HTR4: variants seen among roughly 807,000 people sequenced by gnomAD.
HTR4 encodes 5-hydroxytryptamine receptor 4, also known as 5-hydroxytryptamine (serotonin) receptor 4, G protein-coupled.
Under a neutral mutation model 36.8 loss-of-function variants are expected in HTR4, and 16 were observed. The ratio of observed to expected loss-of-function variants is 0.43; its 90% CI spans 0.29 to 0.66. The LOEUF (loss-of-function observed/expected upper bound fraction) is 0.66, where lower values mean the gene tolerates loss of function less well. Ranked by LOEUF, HTR4 falls within the 30% of genes least tolerant of loss-of-function variation. HTR4 has a pLI of 0.13. For synonymous variants in HTR4, 189 were observed against 185.1 expected (o/e 1.02, Z -0.17); for missense variants, 438 against 490.9 (o/e 0.89, Z 1.02).
At position 148,481,610 on chromosome 5, in the gene HTR4, T is replaced by G. The variant is rs1581357787; in HGVS notation, c.*1593A>C. On this transcript the variant is annotated 3_prime_UTR_variant, in exon 7 of 7. Transcript: ENST00000377888. ...TCTTCCTTATTCCAAAGTTTCTTCC[T>G]GTCGGTTTCAGTTCCAGAACTAAAG... The G allele has an allele frequency of 1.3e-6, 2 of 1,510,060 alleles. No individual in the cohort carries two copies. The highest frequency in any genetic ancestry group is 1.8e-6 in the Non-Finnish European group (2 of 1,140,386). The allele number at this position is 1,510,060 out of a possible 1,614,324, so 93.5% of individuals were successfully genotyped here. A position where few individuals can be genotyped will look rare whatever the true frequency, so the allele number is the denominator to read the frequency against.
intron 2 of HTR4, among the ~76,000 whole-genome samples, chr5:148,588,527 C>CTTTTTT (rs35749777): frequency 3.9e-4 from 43 of 110,150 alleles, no homozygotes; most frequent in East Asian, 9.2e-4. Flanking sequence ...GGTTTTAATT[C>CTTTTTT]TTTTTTTTTT....
intron 4 of HTR4, among the ~76,000 whole-genome samples, chr5:148,533,594 G>T (rs1758677034): frequency 6.6e-6 from 1 of 152,168 alleles, no homozygotes; most frequent in Non-Finnish European, 1.5e-5. Flanking sequence ...GGCACAAGAA[G>T]CAATGATAAT....
chr5:148,592,731 C>G (rs994702065), intron 2 of HTR4, among the ~76,000 whole-genome samples: 2 of 151,926 alleles, frequency 1.3e-5, no homozygotes, highest in African/African-American at 4.8e-5. Context: ...CCAATTCATC[C>G]TATTTGATTT....
At chr5:148,526,156 T>C (rs1347691281) in intron 4 of HTR4, among the ~76,000 whole-genome samples, 1 of 152,202 alleles carries the variant, frequency 6.6e-6, no homozygotes, top group Admixed American at 6.5e-5. Flanking sequence ...GTGTGTATTG[T>C]TCTAAGCCAT....
chr5:148,620,159 C>G (rs1391113478), intron 2 of HTR4, among the ~76,000 whole-genome samples: 1 of 152,204 alleles, frequency 6.6e-6, no homozygotes. Context: ...GAGAGCTTCA[C>G]AGCCTCGACA....
chr5:148,467,371 G>C (rs1036345898), intron 5 of HTR4, among the ~76,000 whole-genome samples: 38 of 152,082 alleles, frequency 2.5e-4, no homozygotes, highest in African/African-American at 8.0e-4. Flanking sequence ...AGGTAACAAT[G>C]GTGGGTTTTT....
At position 148,590,690 on chromosome 5, in the gene HTR4, C is replaced by T. The variant is rs557048077; in HGVS notation, c.27-40428G>A. ...AAATGCTCTTAGTCTTGTTTAAAAACGTATTTGTTTCAACATTGATGTTGA... is the reference window on the plus strand; with the variant it reads ...AAATGCTCTTAGTCTTGTTTAAAAATGTATTTGTTTCAACATTGATGTTGA... On this transcript the variant is annotated intron_variant, in intron 2 of 6. Coordinates refer to ENST00000377888, the MANE Select transcript of HTR4 (RefSeq NM_000870.7). Among the ~76,000 whole-genome samples the T allele has an allele frequency of 2.8e-4, 43 of 152,124 alleles. No individual in the cohort carries two copies. The South Asian group carries it at 3.5e-3, about 13-fold the overall frequency.
intron 2 of HTR4, among the ~76,000 whole-genome samples, chr5:148,626,271 T>C (rs1157781837): frequency 6.6e-6 from 1 of 152,250 alleles, no homozygotes; most frequent in Non-Finnish European, 1.5e-5. Flanking sequence ...TTCAGTTCAA[T>C]TCAAGGACAA....
At chr5:148,515,675 C>A (rs1757711456) in intron 5 of HTR4, among the ~76,000 whole-genome samples, 1 of 152,070 alleles carries the variant, frequency 6.6e-6, no homozygotes, top group African/African-American at 2.4e-5. Flanking sequence ...GCATGGTCAG[C>A]TGTAAGTCTT....
At chr5:148,584,336 A>G (rs1761264708) in intron 2 of HTR4, among the ~76,000 whole-genome samples, 1 of 152,166 alleles carries the variant, frequency 6.6e-6, no homozygotes, top group African/African-American at 2.4e-5. Flanking sequence ...AGACAGATGG[A>G]CATCAGGAGT....
chr5:148,560,211 A>ATT (rs1561619888), intron 2 of HTR4, among the ~76,000 whole-genome samples: 2 of 147,426 alleles, frequency 1.4e-5, no homozygotes, highest in African/African-American at 4.9e-5. Context: ...TTTTTAAAAA[A>ATT]AAAAAAAAAA....
chr5:148,623,252 T>A (rs1752977757), intron 2 of HTR4, among the ~76,000 whole-genome samples: 1 of 152,092 alleles, frequency 6.6e-6, no homozygotes, highest in South Asian at 2.1e-4. Flanking sequence ...GGAAGCAAGC[T>A]CCTTGCCCCC....
At chr5:148,588,686 G>A (rs894196695) in intron 2 of HTR4, among the ~76,000 whole-genome samples, 1 of 150,338 alleles carries the variant, frequency 6.7e-6, no homozygotes, top group Non-Finnish European at 1.5e-5. Context: ...GACTACAGGC[G>A]CCCGCCACCG....
intron 2 of HTR4, among the ~76,000 whole-genome samples, chr5:148,566,616 T>C (rs1372535532): frequency 6.6e-6 from 1 of 152,184 alleles, no homozygotes; most frequent in Non-Finnish European, 1.5e-5. Flanking sequence ...AGTTAACTAA[T>C]TTAGAGATTA....
At chr5:148,557,859 A>G (rs1760024196) in intron 2 of HTR4, among the ~76,000 whole-genome samples, 1 of 150,998 alleles carries the variant, frequency 6.6e-6, no homozygotes, top group African/African-American at 2.4e-5. Flanking sequence ...CCTAAGAATG[A>G]CAGGAAGCAA....
At chr5:148,510,549 C>T (rs1757450508) in intron 5 of HTR4, among the ~76,000 whole-genome samples, 1 of 152,210 alleles carries the variant, frequency 6.6e-6, no homozygotes, top group Admixed American at 6.5e-5. Flanking sequence ...CTGCCCACTC[C>T]CTGCTGCCAC....
intron 2 of HTR4, among the ~76,000 whole-genome samples, chr5:148,555,451 C>A (rs1240319798): frequency 6.6e-6 from 1 of 152,132 alleles, no homozygotes; most frequent in East Asian, 1.9e-4. Context: ...GAGTGACGAG[C>A]AAAATTTAAG....
chr5:148,588,776 A>G (rs968485722), intron 2 of HTR4, among the ~76,000 whole-genome samples: 3 of 151,096 alleles, frequency 2.0e-5, no homozygotes, highest in Non-Finnish European at 4.4e-5. Context: ...TCCTGACCTC[A>G]TGATCCACCC....
At chr5:148,527,028 T>C (rs1758313286) in intron 4 of HTR4, among the ~76,000 whole-genome samples, 1 of 152,226 alleles carries the variant, frequency 6.6e-6, no homozygotes, top group East Asian at 1.9e-4. Flanking sequence ...AATAATAGAT[T>C]TGGAATGCTC....
Sources: allele counts gnomAD v4.1 joint callset (sites outside exome capture counted in the v4.1 genomes callset), GRCh38; gene constraint gnomAD v4.1.1; transcripts MANE v1.5; gene names NCBI Gene and HGNC (gene_info 2026-07-23, HGNC 2026-07-21).